Variants in RNF19A observed in about 807,000 individuals in gnomAD.
The protein encoded by RNF19A is E3 ubiquitin-protein ligase RNF19A.
A neutral mutation model predicts 75.7 loss-of-function variants in RNF19A; 32 were observed. That is an observed-to-expected ratio of 0.42 (90% CI 0.32 to 0.57). RNF19A has a LOEUF of 0.57. RNF19A is among the 20% of genes least tolerant of loss of function. RNF19A has a pLI of 0.10. For missense variants in RNF19A, 782 were observed against 1,036.3 expected (o/e 0.75, Z 3.37); for synonymous variants, 335 against 345.2 (o/e 0.97, Z 0.33).
chr8:100,328,838 A>C (rs1822574260), intron 1 of RNF19A, among the ~76,000 whole-genome samples: 1 of 152,174 alleles, frequency 6.6e-6, no homozygotes, highest in Non-Finnish European at 1.5e-5. Flanking sequence ...CAAATAGAAG[A>C]AGCAGGTTAT....
rs1231499153 is a variant in RNF19A, at chr8:100,323,281, ATTC to A, written c.-242-9912_-242-9910del. Among the ~76,000 whole-genome samples the A allele has an allele frequency of 1.3e-5, 2 of 152,230 alleles. No individual in the cohort carries two copies. The highest frequency in any genetic ancestry group is 4.8e-5 in the African/African-American group (2 of 41,462). On this transcript the variant is annotated intron_variant, in intron 1 of 3. Coordinates refer to the RNF19A transcript ENST00000519527. The surrounding 1 kb of genome is among the most constrained non-coding windows in gnomAD (Gnocchi z 4.6). ...GTTTTTAAGGAAGAAAGAAAACTTT[ATTC>A]TTCTCTGTAATATCATTTTTGGAAG... is the stretch of plus-strand genomic sequence containing the variant.
intron 1 of RNF19A, among the ~76,000 whole-genome samples, chr8:100,319,369 A>C (rs1298336304): frequency 6.6e-6 from 1 of 152,138 alleles, no homozygotes; most frequent in East Asian, 1.9e-4. Context: ...AGACCCTGTA[A>C]GAATAAATGT....
At chr8:100,270,097 C>CA in intron 3 of RNF19A, 84 bp from the exon 4 acceptor site, 2 of 1,173,218 alleles carry the variant, frequency 1.7e-6, no homozygotes, top group Non-Finnish European at 1.1e-6. Flanking sequence ...GTAGCACTGT[C>CA]AAAAAATCTT....
rs1820165962 is a variant in RNF19A at position 100,269,792 on chromosome 8, C to A, written c.1028+77G>T. 1 of 1,193,450 alleles carries A rather than the reference C, an allele frequency of 8.4e-7. No individual in the cohort carries two copies. Among genetic ancestry groups the A allele is most frequent in the South Asian group, 2.5e-5 (1 of 40,628 alleles). The allele number at this position is 1,193,450 out of a possible 1,614,324, so 73.9% of individuals were successfully genotyped here. A position where few individuals can be genotyped will look rare whatever the true frequency, so the allele number is the denominator to read the frequency against. On this transcript the variant is annotated intron_variant, in intron 4 of 9. Transcript: ENST00000341084. The surrounding 1 kb of genome is among the most constrained non-coding windows in gnomAD (Gnocchi z 5.7). ...AATCCCTTTAAGTATCTTATAAAAC[C>A]CAAATTTAAGACAAGTTATTTTGTC...
intron 7 of RNF19A, 62 bp downstream of exon 7, chr8:100,263,972 T>C: frequency 7.2e-7 from 1 of 1,394,258 alleles, no homozygotes; most frequent in Non-Finnish European, 9.9e-7. Flanking sequence ...ATGTTATCTC[T>C]GGCCTCCCCA....
chr8:100,264,331 G>A lies in RNF19A; in HGVS notation c.1307-136C>T, dbSNP rs1293596080. 9.4e-6 allele frequency: 7 copies of A among 746,352 alleles called. No homozygotes were observed. Among genetic ancestry groups the A allele is most frequent in the African/African-American group, 1.8e-5 (1 of 56,560 alleles). 46.2% of individuals were successfully genotyped at this position (746,352 alleles called of 1,614,324 possible). A position where few individuals can be genotyped will look rare whatever the true frequency, so the allele number is the denominator to read the frequency against. On this transcript the variant is annotated intron_variant, in intron 6 of 9. Coordinates refer to ENST00000341084, the MANE Select transcript of RNF19A (RefSeq NM_183419.4). The surrounding 1 kb of genome is among the most constrained non-coding windows in gnomAD (Gnocchi z 4.7). ...TTCTGAAGAGTTGGCTGGAACATTT[G>A]CCAAAAGTAGATTTACCCAGTTGTT...
rs1822631991 is a variant in RNF19A, at chr8:100,333,151, C to T, written c.-243+2957G>A. On this transcript the variant is annotated intron_variant, in intron 1 of 3. Transcript: ENST00000519527. This position sits in a 1 kb window ranked among gnomAD's most constrained non-coding sequence, Gnocchi z 4.7. ...GGTTAACATGGGAGTGGGTTTGTCA[C>T]AAAAGTGTGTTTGGTCCTGTCTTGC... 6.6e-6 allele frequency among the ~76,000 whole-genome samples: 1 copy of T among 152,104 alleles called. No individual in the cohort carries two copies. The highest frequency in any genetic ancestry group is 6.5e-5 in the Admixed American group (1 of 15,276).
rs1006599863 is a variant in RNF19A, at chr8:100,332,210, T to C, written c.-243+3898A>G. Among the ~76,000 whole-genome samples the C allele has an allele frequency of 2.0e-5, 3 of 152,204 alleles. No individual in the cohort carries two copies. The highest frequency in any genetic ancestry group is 7.2e-5 in the African/African-American group (3 of 41,458). On this transcript the variant is annotated intron_variant, in intron 1 of 3. Transcript: ENST00000519527. This position sits in a 1 kb window ranked among gnomAD's most constrained non-coding sequence, Gnocchi z 4.8. ...TTGGCTCTGTGTCCCCATGTAAATCTTATCTTGAATTGTAATCCCCATAAT... is the reference window on the plus strand; with the variant it reads ...TTGGCTCTGTGTCCCCATGTAAATCCTATCTTGAATTGTAATCCCCATAAT...
chr8:100,330,621 G>C lies in RNF19A; in HGVS notation c.-243+5487C>G, dbSNP rs1013026442. Among the ~76,000 whole-genome samples the C allele has an allele frequency of 6.6e-6, 1 of 152,226 alleles. No individual in the cohort carries two copies. Among genetic ancestry groups the C allele is most frequent in the Non-Finnish European group, 1.5e-5 (1 of 68,044 alleles). On this transcript the variant is annotated intron_variant, in intron 1 of 3. Transcript: ENST00000519527. The surrounding 1 kb of genome is among the most constrained non-coding windows in gnomAD (Gnocchi z 4.1). ...CACAGAAAAGTGGGTGTTGGGGAGG[G>C]TGGAGAAAGAGAACGAATATCCTGA...
rs1388495090 is a variant in RNF19A, at chr8:100,309,328, G to GC, written c.-94+538dup. 28 of 985,710 alleles carry GC rather than the reference G, an allele frequency of 2.8e-5. No homozygotes were observed. In the South Asian group the frequency reaches 1.3e-3, roughly 46 times the overall value. The allele number at this position is 985,710 out of a possible 1,614,324, so 61.1% of individuals were successfully genotyped here. On this transcript the variant is annotated intron_variant, in intron 1 of 9. Transcript: ENST00000341084. ...TCCGAACACAGCTCCCCTCCCTAAG[G>GC]CCCCAGGCAGCACGGCTTGCGGGGC...
At chr8:100,315,463 G>A (rs187719968) in intron 1 of RNF19A, among the ~76,000 whole-genome samples, 2 of 152,230 alleles carry the variant, frequency 1.3e-5, no homozygotes, top group Non-Finnish European at 2.9e-5. Flanking sequence ...ATTTCACCTG[G>A]CTTAGGGAGG....
At chr8:100,307,933 A>G (rs1822126475) in intron 1 of RNF19A, among the ~76,000 whole-genome samples, 1 of 152,184 alleles carries the variant, frequency 6.6e-6, no homozygotes, top group South Asian at 2.1e-4. Flanking sequence ...AAAACTCAAG[A>G]AATCACCAAA....
intron 2 of RNF19A, among the ~76,000 whole-genome samples, chr8:100,276,509 T>C (rs907902933): frequency 6.6e-6 from 1 of 151,990 alleles, no homozygotes; most frequent in African/African-American, 2.4e-5. Flanking sequence ...CCCAGCACTT[T>C]GTGGGGCCGA....
chr8:100,281,980 T>A (rs977583473), intron 2 of RNF19A, among the ~76,000 whole-genome samples: 1 of 152,216 alleles, frequency 6.6e-6, no homozygotes, highest in African/African-American at 2.4e-5. Flanking sequence ...ATTTGCAACC[T>A]GCAGACAGGA....
chr8:100,257,744 G>A lies in RNF19A; in HGVS notation c.*812C>T, dbSNP rs1398754413. 1.2e-5 allele frequency: 4 copies of A among 338,866 alleles called. No individual in the cohort carries two copies. Among genetic ancestry groups the A allele is most frequent in the Admixed American group, 4.8e-5 (1 of 20,856 alleles). 21.0% of individuals were successfully genotyped at this position (338,866 alleles called of 1,614,324 possible). A position where few individuals can be genotyped will look rare whatever the true frequency, so the allele number is the denominator to read the frequency against. On this transcript the variant is annotated 3_prime_UTR_variant, in exon 10 of 10. Transcript: ENST00000341084. Reference sequence around the variant, plus strand: ...ATAACTAGGCCATTAAAACCCAGTCGATCCCAAAGGCACCAAGAATCAATG... The same window carrying A: ...ATAACTAGGCCATTAAAACCCAGTCAATCCCAAAGGCACCAAGAATCAATG...
At chr8:100,320,650 T>C (rs2130349666) in intron 1 of RNF19A, among the ~76,000 whole-genome samples, 1 of 152,298 alleles carries the variant, frequency 6.6e-6, no homozygotes, top group Admixed American at 6.5e-5. Flanking sequence ...TTTAGGCCTG[T>C]TTTCTCATTT....
upstream of RNF19A, chr8:100,310,235 G>C (rs1451956706): frequency 1.0e-6 from 1 of 985,032 alleles, no homozygotes; most frequent in Non-Finnish European, 1.2e-6. Context: ...CGCTGCGGGC[G>C]GCTCTGGACG....
chr8:100,315,092 T>A (rs1220413199), intron 1 of RNF19A, among the ~76,000 whole-genome samples: 2 of 152,024 alleles, frequency 1.3e-5, no homozygotes, highest in African/African-American at 4.8e-5. Context: ...AGCAGATGAT[T>A]TGGGCCTAGG....
chr8:100,295,332 G>C (rs1478701785), intron 1 of RNF19A, among the ~76,000 whole-genome samples: 1 of 151,848 alleles, frequency 6.6e-6, no homozygotes, highest in Non-Finnish European at 1.5e-5. Flanking sequence ...TCTATTTTTC[G>C]TAGTTACAAT....
Sources: allele counts gnomAD v4.1 joint callset (sites outside exome capture counted in the v4.1 genomes callset), GRCh38; gene constraint gnomAD v4.1.1; non-coding constraint Gnocchi (gnomAD v3.1); transcripts MANE v1.5; gene names NCBI Gene and HGNC (gene_info 2026-07-23, HGNC 2026-07-21).